TMC1: variants seen among roughly 807,000 people sequenced by gnomAD.
TMC1 encodes the protein transmembrane channel-like protein 1.
A neutral mutation model predicts 105.8 loss-of-function variants in TMC1; 84 were observed. The observed-to-expected ratio is 0.79, with a 90% CI of 0.67 to 0.95. The LOEUF (loss-of-function observed/expected upper bound fraction) is 0.95. TMC1 is among the 40% of genes least tolerant of loss of function. The probability of loss-of-function intolerance (pLI) is 0.00; values close to 1 mark genes in which losing one functional copy is unlikely to be tolerated. For missense variants in TMC1, 817 were observed against 914.1 expected (o/e 0.89, Z 1.37); for synonymous variants, 315 against 311.5 (o/e 1.01, Z -0.12).
intron 10 of TMC1, among the ~76,000 whole-genome samples, chr9:72,744,504 A>C (rs1827454457): frequency 6.6e-6 from 1 of 152,202 alleles, no homozygotes; most frequent in South Asian, 2.1e-4. Context: ...GTTGAGAGGC[A>C]CTGAAAAACA....
intron 5 of TMC1, among the ~76,000 whole-genome samples, chr9:72,674,437 A>T (rs1311216265): frequency 6.6e-6 from 1 of 152,244 alleles, no homozygotes; most frequent in Non-Finnish European, 1.5e-5. Context: ...ATAAAGATAG[A>T]CAAAGAAAGA....
In TMC1 at chr9:72,742,442, A is replaced by G; in HGVS notation, c.454-2A>G. 6.2e-7 allele frequency: 1 copy of G among 1,613,832 alleles called. No individual in the cohort carries two copies. Among genetic ancestry groups the G allele is most frequent in the Non-Finnish European group, 8.5e-7 (1 of 1,179,786 alleles). ...TACTTTTGTATTTGACTTTCTTTTC[A>G]GAAATGGGCAAAATTCCTCCGTGAT... On this transcript the variant is annotated splice_acceptor_variant, in intron 9 of 23. Coordinates refer to ENST00000297784, the MANE Select transcript of TMC1 (RefSeq NM_138691.3). LOFTEE classifies it high-confidence loss of function.
intron 20 of TMC1, among the ~76,000 whole-genome samples, chr9:72,823,036 TG>T (rs1374463443): frequency 6.6e-6 from 1 of 152,230 alleles, no homozygotes; most frequent in African/African-American, 2.4e-5. Flanking sequence ...ATTATTTATT[TG>T]TTTTTTAATT....
intron 23 of TMC1, among the ~76,000 whole-genome samples, chr9:72,835,672 A>G (rs1230303470): frequency 1.3e-5 from 2 of 152,134 alleles, no homozygotes; most frequent in African/African-American, 4.8e-5. Flanking sequence ...TATTCATCAC[A>G]TAAGCAATAA....
Position 72,580,014 on chromosome 9 carries a change from C to T in TMC1, c.-306+1991C>T, listed in dbSNP as rs998498371. 2.0e-5 allele frequency among the ~76,000 whole-genome samples: 3 copies of T among 152,126 alleles called. 1 individual carries two copies. The highest frequency in any genetic ancestry group is 4.4e-5 in the Non-Finnish European group (3 of 68,014). ...CCAAAGGTGCACAATTAAGAAATGG[C>T]TAAGCAGGGGTTCTGACTCAGATCT... On this transcript the variant is annotated intron_variant, in intron 2 of 23. Coordinates refer to ENST00000297784, the MANE Select transcript of TMC1 (RefSeq NM_138691.3).
chr9:72,590,110 T>G (rs1171479361), intron 2 of TMC1, among the ~76,000 whole-genome samples: 1 of 152,192 alleles, frequency 6.6e-6, no homozygotes, highest in Non-Finnish European at 1.5e-5. Context: ...GACAGCTGCC[T>G]TTTCCCTCAC....
At chr9:72,813,476 G>A (rs370964721) in intron 18 of TMC1, among the ~76,000 whole-genome samples, 22 of 152,208 alleles carry the variant, frequency 1.4e-4, no homozygotes, top group African/African-American at 4.8e-4. Flanking sequence ...AACCAATAAC[G>A]TATTTTTAGA....
In TMC1 at chr9:72,780,218, A is replaced by C. The variant is rs1828071392; in HGVS notation, c.884+7663A>C. Among the ~76,000 whole-genome samples the C allele has an allele frequency of 2.0e-5, 3 of 152,210 alleles. No homozygotes were observed. In the South Asian group the frequency reaches 6.2e-4, roughly 31 times the overall value. On this transcript the variant is annotated intron_variant, in intron 13 of 23. Coordinates refer to ENST00000297784, the MANE Select transcript of TMC1 (RefSeq NM_138691.3). Reference sequence around the variant, plus strand: ...TTTCAGACATGCAAATGCTAAAGGAATTCATTACTATCACACTTGCCTTAC... The same window carrying C: ...TTTCAGACATGCAAATGCTAAAGGACTTCATTACTATCACACTTGCCTTAC...
At chr9:72,772,166 G>T (rs1465726208) in intron 12 of TMC1, among the ~76,000 whole-genome samples, 3 of 152,114 alleles carry the variant, frequency 2.0e-5, no homozygotes, top group Non-Finnish European at 4.4e-5. Context: ...CCACAGCTGA[G>T]CAAGCCTGTA....
At chr9:72,674,752 CAG>C (rs1037962115) in intron 5 of TMC1, among the ~76,000 whole-genome samples, 30 of 152,174 alleles carry the variant, frequency 2.0e-4, no homozygotes, top group Non-Finnish European at 2.1e-4. Flanking sequence ...ATTTGGGAGA[CAG>C]GGGAAGAGGT....
chr9:72,797,797 C>T (rs188388396), intron 17 of TMC1, among the ~76,000 whole-genome samples: 1 of 152,222 alleles, frequency 6.6e-6, no homozygotes, highest in East Asian at 1.9e-4. Context: ...TCATTCAGGA[C>T]ATAGGCACAA....
intron 6 of TMC1, among the ~76,000 whole-genome samples, chr9:72,692,494 T>A (rs971417927): frequency 1.3e-5 from 2 of 152,172 alleles, no homozygotes; most frequent in African/African-American, 4.8e-5. Flanking sequence ...TTTATGTCCA[T>A]GGAGGGAAGG....
intron 5 of TMC1, among the ~76,000 whole-genome samples, chr9:72,681,484 T>C (rs1046646468): frequency 2.0e-4 from 31 of 152,150 alleles, no homozygotes; most frequent in Admixed American, 2.0e-3. Context: ...AAATACCTAA[T>C]TGCAGTTTCT....
chr9:72,633,734 A>G (rs953877855), intron 4 of TMC1, among the ~76,000 whole-genome samples: 1 of 152,200 alleles, frequency 6.6e-6, no homozygotes, highest in Non-Finnish European at 1.5e-5. Context: ...TATTTCCTCC[A>G]CTGCTACTAC....
intron 5 of TMC1, among the ~76,000 whole-genome samples, chr9:72,676,531 T>C (rs1385093423): frequency 6.6e-6 from 1 of 152,120 alleles, no homozygotes; most frequent in Non-Finnish European, 1.5e-5. Context: ...TTCCTTCCTT[T>C]CACTAAGGCA....
At position 72,742,490 on chromosome 9, in the gene TMC1, G is replaced by A; in HGVS notation, c.500G>A (p.Cys167Tyr). Residue 167 changes from cysteine to tyrosine, a missense_variant, in exon 10 of 24, where the codon TGT becomes TAT. By Grantham distance (194) the Cys-to-Tyr change is radical. Transcript: ENST00000297784. ...GATTTTGAGAACTTCAAAGCTGCGTGTGTCCCATGGGAAAATAAAATCAAG... is the reference window on the plus strand; with the variant it reads ...GATTTTGAGAACTTCAAAGCTGCGTATGTCCCATGGGAAAATAAAATCAAG... Reference protein sequence around the residue: ...LRDFENFKAACVPWENKIKAI... With the variant: ...LRDFENFKAAYVPWENKIKAI... 1 of 1,614,148 alleles carries A rather than the reference G, an allele frequency of 6.2e-7. No individual in the cohort carries two copies.
At chr9:72,732,044 G>C (rs914785903) in intron 8 of TMC1, among the ~76,000 whole-genome samples, 3 of 151,990 alleles carry the variant, frequency 2.0e-5, no homozygotes, top group African/African-American at 7.3e-5. Context: ...TCTGCATATG[G>C]TACAATGCCT....
intron 17 of TMC1, among the ~76,000 whole-genome samples, chr9:72,804,063 T>C (rs569970801): frequency 6.6e-6 from 1 of 152,286 alleles, no homozygotes; most frequent in East Asian, 1.9e-4. Flanking sequence ...TAAAAAGGAA[T>C]GAGATCATGT....
At chr9:72,817,499 G>T (rs1205164874) in intron 19 of TMC1, among the ~76,000 whole-genome samples, 1 of 152,134 alleles carries the variant, frequency 6.6e-6, no homozygotes, top group African/African-American at 2.4e-5. Context: ...TCAATTTGCT[G>T]TTATGGCAGA....
Sources: allele counts gnomAD v4.1 joint callset (sites outside exome capture counted in the v4.1 genomes callset), GRCh38; gene constraint gnomAD v4.1.1; transcripts MANE v1.5; gene names NCBI Gene and HGNC (gene_info 2026-07-23, HGNC 2026-07-21).